Variants in GABRA4 observed in about 807,000 individuals in gnomAD.
The protein encoded by GABRA4 is gamma-aminobutyric acid receptor subunit alpha-4.
A neutral mutation model predicts 49.7 loss-of-function variants in GABRA4; 12 were observed. The observed-to-expected ratio is 0.24, with a 90% CI of 0.15 to 0.39. GABRA4 has a LOEUF of 0.39. Ranked by LOEUF, GABRA4 falls within the 10% of genes least tolerant of loss-of-function variation. The pLI, the probability that GABRA4 is intolerant of heterozygous loss-of-function variation, is 1.00. For missense variants in GABRA4, 506 were observed against 686.0 expected, an observed-to-expected ratio of 0.74 and a Z score of 2.93; for synonymous variants, 288 against 240.2, an observed-to-expected ratio of 1.20 and a Z score of -1.84.
In GABRA4 at chr4:46,928,041, A is replaced by T; in HGVS notation, c.*184T>A. The T allele has an allele frequency of 1.9e-6, 1 of 539,660 alleles. No homozygotes were observed. Among genetic ancestry groups the T allele is most frequent in the Non-Finnish European group, 3.1e-6 (1 of 320,524 alleles). 33.4% of individuals were successfully genotyped at this position (539,660 alleles called of 1,614,324 possible). A position where few individuals can be genotyped will look rare whatever the true frequency, so the allele number is the denominator to read the frequency against. On this transcript the variant is annotated 3_prime_UTR_variant, in exon 9 of 9. Coordinates refer to ENST00000264318, the MANE Select transcript of GABRA4 (RefSeq NM_000809.4). The stretch of plus-strand genomic sequence containing the variant: ...TTCTTTTAAAATAATTTTTCTGAAA[A>T]AAAACATAGTTCACTTTTTCACTCA...
At chr4:46,987,408 A>T (rs1431443699) in intron 2 of GABRA4, among the ~76,000 whole-genome samples, 1 of 152,088 alleles carries the variant, frequency 6.6e-6, no homozygotes, top group Admixed American at 6.6e-5. Flanking sequence ...ATTACTCTAT[A>T]GCTGTTAACC....
chr4:46,977,326 G>GAGGAAGGGAGGA lies in GABRA4; in HGVS notation c.494+83_494+84insTCCTCCCTTCCT, dbSNP rs1560480954. 2.5e-5 allele frequency: 18 copies of GAGGAAGGGAGGA among 711,636 alleles called. No individual in the cohort carries two copies. In the African/African-American group the frequency reaches 3.6e-4, roughly 14 times the overall value. The allele number at this position is 711,636 out of a possible 1,614,324, so 44.1% of individuals were successfully genotyped here. On this transcript the variant is annotated intron_variant, in intron 4 of 8. Transcript: ENST00000264318. Reference sequence around the variant, plus strand: ...GGAGGAAGGGAGGGAGGAAGGGAGGGAGGAAGGAAGGAAGGAAGGAAGAAA... The same window carrying GAGGAAGGGAGGA: ...GGAGGAAGGGAGGGAGGAAGGGAGGGAGGAAGGGAGGAAGGAAGGAAGGAAGGAAGGAAGAAA...
At chr4:46,946,179 C>A (rs1352838482) in intron 8 of GABRA4, among the ~76,000 whole-genome samples, 1 of 152,138 alleles carries the variant, frequency 6.6e-6, no homozygotes, top group East Asian at 1.9e-4. Context: ...ACCAGGCAGT[C>A]TCACTGAAAC....
At position 46,958,475 on chromosome 4, in the gene GABRA4, T is replaced by C. The variant is rs565177221; in HGVS notation, c.1134+6495A>G. On this transcript the variant is annotated intron_variant, in intron 8 of 8. Transcript: ENST00000264318. ...AGCTTTATTTTTTGTTCTATAGTTG[T>C]TTATTTTTCTAATTATTCTATTAAT... Among the ~76,000 whole-genome samples the C allele has an allele frequency of 3.3e-5, 5 of 152,036 alleles. No homozygotes were observed. In the East Asian group the frequency reaches 7.8e-4, roughly 24 times the overall value.
chr4:46,928,085 C>T lies in GABRA4; in HGVS notation c.*140G>A, dbSNP rs1721294815. On this transcript the variant is annotated 3_prime_UTR_variant, in exon 9 of 9. Transcript: ENST00000264318. ...TCACTCAGGAATTAATTAACTCTCCCAATAACTGGCTTATATCTTTAAATG... is the reference window on the plus strand; with the variant it reads ...TCACTCAGGAATTAATTAACTCTCCTAATAACTGGCTTATATCTTTAAATG... 1 of 689,478 alleles carries T rather than the reference C, an allele frequency of 1.5e-6. No homozygotes were observed. The highest frequency in any genetic ancestry group is 1.8e-5 in the African/African-American group (1 of 54,880). 42.7% of individuals were successfully genotyped at this position (689,478 alleles called of 1,614,324 possible).
chr4:46,965,289 C>A (rs1029328859), intron 7 of GABRA4, 60 bp from the exon 8 acceptor site: 3 of 1,319,228 alleles, frequency 2.3e-6, no homozygotes, highest in East Asian at 5.4e-5. Flanking sequence ...TAAAAAGCAC[C>A]GCCACCACCA....
rs543816974 is a variant in GABRA4, at chr4:46,953,172, A to T, written c.1134+11798T>A. Among the ~76,000 whole-genome samples, 10 of 152,272 alleles carry T rather than the reference A, an allele frequency of 6.6e-5. No homozygotes were observed. In the East Asian group the frequency reaches 1.4e-3, roughly 21 times the overall value. ...CATTACAAACCAACTCATGATATTC[A>T]TAATAATGAGCTGGCTTATCCTTTC... On this transcript the variant is annotated intron_variant, in intron 8 of 8. Coordinates refer to ENST00000264318, the MANE Select transcript of GABRA4 (RefSeq NM_000809.4).
intron 7 of GABRA4, among the ~76,000 whole-genome samples, chr4:46,969,825 C>T: frequency 6.6e-6 from 1 of 151,482 alleles, no homozygotes; most frequent in East Asian, 2.0e-4. Context: ...TGCTTTCAAA[C>T]TTATATTTAA....
At chr4:46,940,209 A>G (rs774655761) in intron 8 of GABRA4, among the ~76,000 whole-genome samples, 23 of 152,104 alleles carry the variant, frequency 1.5e-4, no homozygotes, top group Non-Finnish European at 2.6e-4. Flanking sequence ...ATTTGGATAT[A>G]GCACTTTAAA....
intron 8 of GABRA4, among the ~76,000 whole-genome samples, chr4:46,930,094 A>G (rs1426769510): frequency 6.6e-6 from 1 of 152,116 alleles, no homozygotes; most frequent in African/African-American, 2.4e-5. Flanking sequence ...TAGAGAAGGA[A>G]AAACAGCCTC....
Position 46,937,349 on chromosome 4 carries a change from T to C in GABRA4, c.1135-8594A>G, listed in dbSNP as rs542430761. 2.8e-3 allele frequency among the ~76,000 whole-genome samples: 423 copies of C among 152,332 alleles called. 1 individual carries two copies. Among genetic ancestry groups the C allele is most frequent in the Non-Finnish European group, 4.9e-3 (333 of 68,026 alleles). ...AAGCTAGCCTGTCTGTGCTATTTTG[T>C]TATGGCAACCTGAGGAAACTAAAAG... On this transcript the variant is annotated intron_variant, in intron 8 of 8. Coordinates refer to ENST00000264318, the MANE Select transcript of GABRA4 (RefSeq NM_000809.4).
At chr4:46,967,354 C>CT (rs760917754) in intron 7 of GABRA4, among the ~76,000 whole-genome samples, 108 of 143,582 alleles carry the variant, frequency 7.5e-4, no homozygotes, top group East Asian at 1.2e-3. Flanking sequence ...TTACTTTGAA[C>CT]TTTTTTTTTT....
intron 8 of GABRA4, among the ~76,000 whole-genome samples, chr4:46,929,037 T>A (rs1512138): frequency 0.24 from 36,913 of 151,924 alleles, 4,689 homozygotes; most frequent in East Asian, 0.29. Flanking sequence ...TTGTTAGAAC[T>A]ACAAGCTGAG....
chr4:46,973,783 T>C (rs1044529703), intron 6 of GABRA4, among the ~76,000 whole-genome samples: 7 of 151,778 alleles, frequency 4.6e-5, no homozygotes, highest in Non-Finnish European at 1.0e-4. Context: ...CATAATATAC[T>C]TTGTAATTAA....
Position 46,927,987 on chromosome 4 carries a change from G to A in GABRA4, c.*238C>T, listed in dbSNP as rs113166362. On this transcript the variant is annotated 3_prime_UTR_variant, in exon 9 of 9. Coordinates refer to ENST00000264318, the MANE Select transcript of GABRA4 (RefSeq NM_000809.4). ...TCTCTTATCCCAACTTTCCAGGATG[G>A]TGTGTATTCTATCTAACTGAATGCT... 0.032 allele frequency: 11,608 copies of A among 365,916 alleles called. 227 individuals are homozygous for A. Among genetic ancestry groups the A allele is most frequent in the Middle Eastern group, 0.089 (115 of 1,294 alleles). The allele number at this position is 365,916 out of a possible 1,614,324, so 22.7% of individuals were successfully genotyped here.
intron 8 of GABRA4, among the ~76,000 whole-genome samples, chr4:46,962,239 G>A (rs939011736): frequency 2.0e-5 from 3 of 151,090 alleles, no homozygotes; most frequent in African/African-American, 2.4e-5. Flanking sequence ...CTATTAGAAC[G>A]GATAAGCAAA....
chr4:46,993,268 C>A, intron 1 of GABRA4, 71 bp downstream of exon 1: 1 of 1,339,620 alleles, frequency 7.5e-7, no homozygotes, highest in Non-Finnish European at 1.1e-6. Context: ...GAGCGAGTGG[C>A]CAAAGGGGTC....
In GABRA4 at chr4:46,920,262, T is replaced by A. The variant is rs190340812; in HGVS notation, c.*7963A>T. The A allele has an allele frequency of 6.6e-6, 1 of 151,848 alleles. No individual in the cohort carries two copies. Among genetic ancestry groups the A allele is most frequent in the African/African-American group, 2.4e-5 (1 of 41,550 alleles). 9.4% of individuals were successfully genotyped at this position (151,848 alleles called of 1,614,324 possible). On this transcript the variant is annotated 3_prime_UTR_variant, in exon 9 of 9. Transcript: ENST00000264318. Reference sequence around the variant, plus strand: ...TAGATACCCATGGAAATCTATAGTTTGCATATTAATTTGCCTTTGGAAATA... The same window carrying A: ...TAGATACCCATGGAAATCTATAGTTAGCATATTAATTTGCCTTTGGAAATA...
At chr4:46,940,879 A>G (rs1721765391) in intron 8 of GABRA4, among the ~76,000 whole-genome samples, 1 of 152,134 alleles carries the variant, frequency 6.6e-6, no homozygotes, top group East Asian at 1.9e-4. Flanking sequence ...CAAGGCTCTC[A>G]AGCTGAAACA....
Sources: gnomAD v4.1 joint callset for allele counts (sites outside exome capture counted in the v4.1 genomes callset) on GRCh38, gnomAD v4.1.1 for gene constraint, MANE v1.5 for transcripts, NCBI Gene and HGNC (gene_info 2026-07-23, HGNC 2026-07-21) for gene names.